Variants in CNTLN observed in about 807,000 individuals in gnomAD.
CNTLN encodes centlein.
Under a neutral mutation model 180.0 loss-of-function variants are expected in CNTLN, and 212 were observed. The observed-to-expected ratio is 1.18, with a 90% CI of 1.05 to 1.32. CNTLN has a LOEUF of 1.32. CNTLN is among the 40% of genes most tolerant of loss of function. The pLI is 0.00. For synonymous variants in CNTLN, 722 were observed against 563.1 expected, an observed-to-expected ratio of 1.28 and a Z score of -3.99; for missense variants, 2,095 against 1,610.9, an observed-to-expected ratio of 1.30 and a Z score of -5.14.
At chr9:17,146,604 C>G (rs914584900) in intron 2 of CNTLN, among the ~76,000 whole-genome samples, 1 of 152,140 alleles carries the variant, frequency 6.6e-6, no homozygotes, top group Non-Finnish European at 1.5e-5. Flanking sequence ...GGAACAGACC[C>G]TTACCAGACA....
At chr9:17,337,111 T>A (rs1185583658) in intron 10 of CNTLN, among the ~76,000 whole-genome samples, 1 of 152,230 alleles carries the variant, frequency 6.6e-6, no homozygotes, top group African/African-American at 2.4e-5. Flanking sequence ...CGTGTTCTTT[T>A]GAGAAGTGTC....
At chr9:17,276,322 T>G (rs1295695216) in intron 6 of CNTLN, among the ~76,000 whole-genome samples, 1 of 152,092 alleles carries the variant, frequency 6.6e-6, no homozygotes, top group Non-Finnish European at 1.5e-5. Flanking sequence ...GTTTCTTTCA[T>G]CATTATTTCA....
intron 13 of CNTLN, among the ~76,000 whole-genome samples, chr9:17,382,436 G>A (rs1825331692): frequency 6.6e-6 from 1 of 152,100 alleles, no homozygotes. Flanking sequence ...AACATCTTGG[G>A]AACAAAAGGG....
At chr9:17,326,150 T>A (rs1021331393) in intron 8 of CNTLN, among the ~76,000 whole-genome samples, 1 of 152,118 alleles carries the variant, frequency 6.6e-6, no homozygotes, top group African/African-American at 2.4e-5. Context: ...GTGTTAACAA[T>A]GGCAATTTAA....
chr9:17,512,937 G>A, the CNTLN span, among the ~76,000 whole-genome samples: 1 of 151,956 alleles, frequency 6.6e-6, no homozygotes, highest in African/African-American at 2.4e-5. Flanking sequence ...CTGCCTCAGC[G>A]TCCCGAGTAG....
At chr9:17,283,003 G>A (rs757983254) in intron 6 of CNTLN, among the ~76,000 whole-genome samples, 2 of 152,132 alleles carry the variant, frequency 1.3e-5, no homozygotes, top group African/African-American at 4.8e-5. Context: ...CTGTAGTATC[G>A]TTTGAAGTCC....
chr9:17,403,795 A>C (rs1827168438), intron 15 of CNTLN, among the ~76,000 whole-genome samples: 1 of 151,668 alleles, frequency 6.6e-6, no homozygotes, highest in East Asian at 1.9e-4. Flanking sequence ...TCTTAGTTTG[A>C]GACAGAGTCT....
At chr9:17,405,749 T>C (rs1443284666) in intron 15 of CNTLN, among the ~76,000 whole-genome samples, 3 of 151,704 alleles carry the variant, frequency 2.0e-5, no homozygotes, top group East Asian at 1.9e-4. Flanking sequence ...AAAATGTATG[T>C]ATCCATTCTA....
At chr9:17,305,515 A>G (rs1818644510) in intron 7 of CNTLN, among the ~76,000 whole-genome samples, 1 of 126,466 alleles carries the variant, frequency 7.9e-6, no homozygotes, top group African/African-American at 3.4e-5. Flanking sequence ...TACTCACTTG[A>G]GCACTGTTTT....
At chr9:17,204,487 G>A (rs553736885) in intron 2 of CNTLN, among the ~76,000 whole-genome samples, 2 of 152,116 alleles carry the variant, frequency 1.3e-5, no homozygotes, top group South Asian at 4.1e-4. Context: ...GCTTGGCTGG[G>A]TATCACCAGC....
At chr9:17,421,124 A>G (rs1190755877) in intron 18 of CNTLN, among the ~76,000 whole-genome samples, 4 of 152,052 alleles carry the variant, frequency 2.6e-5, no homozygotes, top group Non-Finnish European at 4.4e-5. Flanking sequence ...TTGATTTTCT[A>G]TCTGGATGAT....
In CNTLN at chr9:17,143,342, G is replaced by T; in HGVS notation, c.415G>T (p.Asp139Tyr). The T allele has an allele frequency of 1.9e-6, 3 of 1,613,702 alleles. No homozygotes were observed. The highest frequency in any genetic ancestry group is 1.1e-5 in the South Asian group (1 of 91,054). The change falls in exon 2 of 26, where the codon GAT becomes TAT. Residue 139 changes from aspartate (D) to tyrosine (Y), a missense_variant. Asp to Tyr is a radical substitution (Grantham distance 160). Coordinates refer to ENST00000380647, the MANE Select transcript of CNTLN (RefSeq NM_017738.4). Reference protein sequence around the residue: ...LWKRLQVTNPDLTQVVSLVVE... With the variant: ...LWKRLQVTNPYLTQVVSLVVE... The stretch of plus-strand genomic sequence containing the variant: ...GAAACGTCTCCAGGTTACAAACCCA[G>T]ATCTCACACAAGTGGTCAGTTTGGT...
intron 23 of CNTLN, among the ~76,000 whole-genome samples, chr9:17,476,358 C>G (rs1314748773): frequency 1.3e-5 from 2 of 152,236 alleles, no homozygotes; most frequent in East Asian, 3.9e-4. Flanking sequence ...GTAGTGACCT[C>G]TAAGTGTTCA....
chr9:17,259,471 A>G (rs1826780366), intron 5 of CNTLN, among the ~76,000 whole-genome samples: 1 of 148,526 alleles, frequency 6.7e-6, no homozygotes, highest in Admixed American at 6.6e-5. Context: ...CTTTGGTATC[A>G]GAATGATGCT....
chr9:17,527,013 G>GA, the CNTLN span, among the ~76,000 whole-genome samples: 6 of 152,174 alleles, frequency 3.9e-5, no homozygotes, highest in East Asian at 9.7e-4. Flanking sequence ...AAGTAGCTGG[G>GA]ATTATAGGCG....
In CNTLN at chr9:17,236,483, G is replaced by T. The variant is rs764779254; in HGVS notation, c.744G>T (p.Lys248Asn). The T allele has an allele frequency of 6.2e-7, 1 of 1,613,558 alleles. No individual in the cohort carries two copies. The highest frequency in any genetic ancestry group is 1.7e-5 in the Admixed American group (1 of 59,942). Residue 248 changes from lysine to asparagine, a missense_variant, in exon 5 of 26, where the codon AAG (lysine) becomes AAT (asparagine). By Grantham distance (94) the Lys-to-Asn change is moderately conservative. Coordinates refer to ENST00000380647, the MANE Select transcript of CNTLN (RefSeq NM_017738.4). ...TAAAAAATCTGGAGGAGGAAAACAA[G>T]AAATTAAGTACCCGCTGCACTGACC... is the stretch of plus-strand genomic sequence containing the variant. ...LVIKNLEEEN[K>N]KLSTRCTDLL...
chr9:17,186,387 A>T (rs1392338405), intron 2 of CNTLN, among the ~76,000 whole-genome samples: 3 of 152,170 alleles, frequency 2.0e-5, no homozygotes, highest in Admixed American at 6.5e-5. Flanking sequence ...GTTGGTAAGC[A>T]TTAGGAAGTA....
chr9:17,497,778 T>C (rs1024649356), intron 25 of CNTLN, among the ~76,000 whole-genome samples: 14 of 152,180 alleles, frequency 9.2e-5, no homozygotes, highest in African/African-American at 3.4e-4. Flanking sequence ...AAATTATAAA[T>C]ACATTGTTCT....
intron 25 of CNTLN, among the ~76,000 whole-genome samples, chr9:17,491,998 C>T (rs946469098): frequency 2.6e-5 from 4 of 152,074 alleles, no homozygotes; most frequent in African/African-American, 9.7e-5. Flanking sequence ...ATAACAAATG[C>T]ATTCAGAAAC....
Sources: allele counts gnomAD v4.1 joint callset (sites outside exome capture counted in the v4.1 genomes callset), GRCh38; gene constraint gnomAD v4.1.1; transcripts MANE v1.5; gene names NCBI Gene and HGNC (gene_info 2026-07-23, HGNC 2026-07-21).